The following PSMD2 variants were observed in gnomAD, a reference collection of about 807,000 sequenced individuals.
The protein encoded by PSMD2 is 26S proteasome non-ATPase regulatory subunit 2.
Under a neutral mutation model 101.5 loss-of-function variants are expected in PSMD2, and 8 were observed. The ratio of observed to expected loss-of-function variants is 0.08; its 90% CI spans 0.05 to 0.14. The LOEUF is 0.14. PSMD2 is among the 10% of genes least tolerant of loss of function. The pLI is 1.00. For missense variants in PSMD2, 784 were observed against 1,147.4 expected (o/e 0.68, Z 4.58); for synonymous variants, 418 against 433.8 (o/e 0.96, Z 0.45).
In PSMD2 at chr3:184,303,630, T is replaced by A; in HGVS notation, c.1217-13T>A. 6.2e-7 allele frequency: 1 copy of A among 1,614,142 alleles called. No individual in the cohort carries two copies. Among genetic ancestry groups the A allele is most frequent in the Non-Finnish European group, 8.5e-7 (1 of 1,179,988 alleles). ...GGGCCATTTTAAGACTAATAGATTC[T>A]TCCCTGGTATAGGAATGTTGAGTGC... On this transcript the variant is annotated splice_polypyrimidine_tract_variant and intron_variant, in intron 9 of 20. Transcript: ENST00000310118.
At position 184,308,591 on chromosome 3, in the gene PSMD2, G is replaced by A; in HGVS notation, c.2544+24G>A. 1 of 1,598,754 alleles carries A rather than the reference G, an allele frequency of 6.3e-7. No homozygotes were observed. Among genetic ancestry groups the A allele is most frequent in the Non-Finnish European group, 8.6e-7 (1 of 1,167,316 alleles). On this transcript the variant is annotated intron_variant, in intron 20 of 20. Transcript: ENST00000310118. The surrounding 1 kb of genome is among the most constrained non-coding windows in gnomAD (Gnocchi z 6.0). ...AGGTGAGAGGCTGAGTAGAGGGGAG[G>A]GCTCAGGCTGTATTCTCAAACTGGA...
At chr3:184,299,827 G>A (rs1355306622) in intron 1 of PSMD2, 24 bp from the exon 2 acceptor site, 2 of 1,604,704 alleles carry the variant, frequency 1.2e-6, no homozygotes, top group African/African-American at 2.7e-5. Context: ...TTCTCTTCAT[G>A]AGCTGCTTCT....
Position 184,304,492 on chromosome 3 carries a change from G to A in PSMD2, c.1539+101G>A. 2 of 1,215,450 alleles carry A rather than the reference G, an allele frequency of 1.6e-6. No individual in the cohort carries two copies. The highest frequency in any genetic ancestry group is 1.7e-5 in the Admixed American group (1 of 58,242). The allele number at this position is 1,215,450 out of a possible 1,614,324, so 75.3% of individuals were successfully genotyped here. A position where few individuals can be genotyped will look rare whatever the true frequency, so the allele number is the denominator to read the frequency against. On this transcript the variant is annotated intron_variant, in intron 12 of 20. Coordinates refer to ENST00000310118, the MANE Select transcript of PSMD2 (RefSeq NM_002808.5). This position sits in a 1 kb window ranked among gnomAD's most constrained non-coding sequence, Gnocchi z 4.1. Reference sequence around the variant, plus strand: ...AAAAGAAGTAAGTGTGTGCATGTGTGCATACATGTACATGCCTGTTGGTGT... The same window carrying A: ...AAAAGAAGTAAGTGTGTGCATGTGTACATACATGTACATGCCTGTTGGTGT...
In PSMD2 at chr3:184,303,804, C is replaced by A. The variant is rs1721732026; in HGVS notation, c.1323+55C>A. ...ACTTCCCCGTTCCATATTCTAGTGC[C>A]TAGCAGTGCCTCTCTTTCACTGATG... On this transcript the variant is annotated intron_variant, in intron 10 of 20. Coordinates refer to ENST00000310118, the MANE Select transcript of PSMD2 (RefSeq NM_002808.5). 4.4e-6 allele frequency: 7 copies of A among 1,601,790 alleles called. No homozygotes were observed. The South Asian group carries it at 7.7e-5, about 18-fold the overall frequency.
At position 184,304,481 on chromosome 3, in the gene PSMD2, T is replaced by C; in HGVS notation, c.1539+90T>C. 7.9e-7 allele frequency: 1 copy of C among 1,262,870 alleles called. No individual in the cohort carries two copies. The highest frequency in any genetic ancestry group is 1.1e-6 in the Non-Finnish European group (1 of 878,160). The allele number at this position is 1,262,870 out of a possible 1,614,324, so 78.2% of individuals were successfully genotyped here. A position where few individuals can be genotyped will look rare whatever the true frequency, so the allele number is the denominator to read the frequency against. ...ATAAATAATGAAAAAGAAGTAAGTG[T>C]GTGCATGTGTGCATACATGTACATG... On this transcript the variant is annotated intron_variant, in intron 12 of 20. Coordinates refer to ENST00000310118, the MANE Select transcript of PSMD2 (RefSeq NM_002808.5). This position sits in a 1 kb window ranked among gnomAD's most constrained non-coding sequence, Gnocchi z 4.1.
At chr3:184,302,223 G>C (rs1035687143) in intron 5 of PSMD2, 147 bp from the exon 6 acceptor site, 137 of 1,166,000 alleles carry the variant, frequency 1.2e-4, no homozygotes, top group Non-Finnish European at 1.6e-4. Flanking sequence ...TGAGGACAGA[G>C]ACTTTGTGTC....
rs1453428598 is a variant in PSMD2, at chr3:184,306,511, G to A, written c.1950+16G>A. On this transcript the variant is annotated intron_variant, in intron 15 of 20. Coordinates refer to ENST00000310118, the MANE Select transcript of PSMD2 (RefSeq NM_002808.5). Reference sequence around the variant, plus strand: ...AGCACATCAGGTTATATGGGCAGCTGGGCACTTGCAGAGAGGCTGTGAGAA... The same window carrying A: ...AGCACATCAGGTTATATGGGCAGCTAGGCACTTGCAGAGAGGCTGTGAGAA... The A allele has an allele frequency of 6.2e-7, 1 of 1,609,404 alleles. No individual in the cohort carries two copies. The highest frequency in any genetic ancestry group is 1.3e-5 in the African/African-American group (1 of 74,552).
In PSMD2 at chr3:184,300,327, G is replaced by A. The variant is rs140103593; in HGVS notation, c.240G>A (p.Arg80=). The A allele has an allele frequency of 3.1e-6, 5 of 1,613,774 alleles. No homozygotes were observed. Among genetic ancestry groups the A allele is most frequent in the Non-Finnish European group, 4.2e-6 (5 of 1,179,802 alleles). ...LYRPALEELR[R]QIRSSTTSMT... is the part of the protein sequence containing the mutation. Reference sequence around the variant, plus strand: ...GACCAGCGCTGGAGGAATTGCGAAGGCAGATTCGTTCTTCTACAACTTCCA... The same window carrying A: ...GACCAGCGCTGGAGGAATTGCGAAGACAGATTCGTTCTTCTACAACTTCCA... Residue 80 remains arginine (R), a synonymous_variant, in exon 3 of 21, where the codon AGG becomes AGA. Transcript: ENST00000310118.
intron 5 of PSMD2, 141 bp downstream of exon 5, chr3:184,302,212 T>C: frequency 1.7e-6 from 2 of 1,190,346 alleles, no homozygotes; most frequent in Non-Finnish European, 2.4e-6. Context: ...TGTGAGTTTC[T>C]TGAGGACAGA....
chr3:184,303,996 AGT>A lies in PSMD2; in HGVS notation c.1377_1378del (p.Cys459Ter). ...ATAGTGAACTCTGGGGTCCGGAATG[AGT>A]GTGACCCTGCTCTGGCACTGCTCTC... On this transcript the variant is annotated frameshift_variant, in exon 11 of 21. Transcript: ENST00000310118. LOFTEE classifies it high-confidence loss of function. 6.2e-7 allele frequency: 1 copy of A among 1,614,210 alleles called. No homozygotes were observed. The highest frequency in any genetic ancestry group is 8.5e-7 in the Non-Finnish European group (1 of 1,180,024).
At chr3:184,300,723 C>A in intron 3 of PSMD2, 2 of 993,958 alleles carry the variant, frequency 2.0e-6, no homozygotes, top group Non-Finnish European at 1.3e-6. Flanking sequence ...TCTTCTATCC[C>A]ATATACATTC....
In PSMD2 at chr3:184,299,268, TGGA is replaced by T. The variant is rs1210946923; in HGVS notation, c.8_10del (p.Glu3?). On this transcript the variant is annotated start_lost and inframe_deletion, in exon 1 of 21. Transcript: ENST00000310118. The stretch of plus-strand genomic sequence containing the variant: ...AGCGGGCCGGCAGTGGCGGCGGAGA[TGGA>T]GGAGGGAGGCCGGGACAAGGCGCCG... 7.5e-7 allele frequency: 1 copy of T among 1,342,250 alleles called. No homozygotes were observed. Among genetic ancestry groups the T allele is most frequent in the Non-Finnish European group, 9.5e-7 (1 of 1,047,670 alleles). The allele number at this position is 1,342,250 out of a possible 1,614,324, so 83.1% of individuals were successfully genotyped here.
rs114467433 is a variant in PSMD2, at chr3:184,301,822, C to G, written c.480-25C>G. On this transcript the variant is annotated intron_variant, in intron 4 of 20. Coordinates refer to ENST00000310118, the MANE Select transcript of PSMD2 (RefSeq NM_002808.5). Reference sequence around the variant, plus strand: ...AGTGCTTCCCCTGAAGCTGTGCTCTCTTAATCGTCTGGGACTATCTGTAGG... The same window carrying G: ...AGTGCTTCCCCTGAAGCTGTGCTCTGTTAATCGTCTGGGACTATCTGTAGG... The G allele has an allele frequency of 4.3e-4, 702 of 1,614,004 alleles. 5 individuals are homozygous for G. In the African/African-American group the frequency reaches 8.0e-3, roughly 18 times the overall value.
chr3:184,301,719 T>A, intron 4 of PSMD2, 61 bp downstream of exon 4: 3 of 1,610,890 alleles, frequency 1.9e-6, no homozygotes, highest in South Asian at 1.1e-5. Context: ...AATTCAGAAT[T>A]TTCTTGTGGA....
chr3:184,302,430 G>T lies in PSMD2; in HGVS notation c.765G>T (p.Val255=). ...CCCTACTGCGTTGTGCCCTGGGTGT[G>T]TTCCGAAAGTTTAGCCGCTTCCCTG... is the stretch of plus-strand genomic sequence containing the variant. ...NSALLRCALG[V]FRKFSRFPEA... is the part of the protein sequence containing the mutation. The change falls in exon 6 of 21, where the codon GTG becomes GTT. Residue 255 remains valine (V), a synonymous_variant. Coordinates refer to ENST00000310118, the MANE Select transcript of PSMD2 (RefSeq NM_002808.5). 1.9e-6 allele frequency: 3 copies of T among 1,614,224 alleles called. No homozygotes were observed. Among genetic ancestry groups the T allele is most frequent in the Non-Finnish European group, 2.5e-6 (3 of 1,180,048 alleles).
At chr3:184,305,618 GAAT>G (rs1318105557) in intron 12 of PSMD2, 147 bp from the exon 13 acceptor site, 2 of 733,260 alleles carry the variant, frequency 2.7e-6, no homozygotes, top group Non-Finnish European at 4.4e-6. Flanking sequence ...TATACTCAAT[GAAT>G]AATGACTACT....
intron 2 of PSMD2, 137 bp from the exon 3 acceptor site, chr3:184,300,143 G>A: frequency 1.0e-6 from 1 of 996,808 alleles, no homozygotes. Flanking sequence ...CAGGCAGGGT[G>A]CAGGGAGTTG....
chr3:184,303,786 C>A lies in PSMD2; in HGVS notation c.1323+37C>A, dbSNP rs371369405. 6 of 1,607,656 alleles carry A rather than the reference C, an allele frequency of 3.7e-6. No individual in the cohort carries two copies. The African/African-American group carries it at 8.0e-5, about 21-fold the overall frequency. ...TACAGCCTGCTCATGGGGACTTCCC[C>A]GTTCCATATTCTAGTGCCTAGCAGT... On this transcript the variant is annotated intron_variant, in intron 10 of 20. Transcript: ENST00000310118.
At position 184,308,418 on chromosome 3, in the gene PSMD2, C is replaced by T; in HGVS notation, c.2426-31C>T. ...TCTGGCCAGGCCTGTCTTTTTGTCTCTTAACTTTTTGTCCTGTCTGCTTCC... is the reference window on the plus strand; with the variant it reads ...TCTGGCCAGGCCTGTCTTTTTGTCTTTTAACTTTTTGTCCTGTCTGCTTCC... On this transcript the variant is annotated intron_variant, in intron 19 of 20. Transcript: ENST00000310118. This position sits in a 1 kb window ranked among gnomAD's most constrained non-coding sequence, Gnocchi z 6.0. 6.4e-7 allele frequency: 1 copy of T among 1,554,206 alleles called. No homozygotes were observed.
Sources: gnomAD v4.1 joint callset for allele counts on GRCh38, gnomAD v4.1.1 for gene constraint, Gnocchi (gnomAD v3.1) non-coding constraint, MANE v1.5 for transcripts, NCBI Gene and HGNC (gene_info 2026-07-23, HGNC 2026-07-21) for gene names.